The following PPFIA2 variants were observed in gnomAD, a reference collection of about 807,000 sequenced individuals.
PPFIA2 encodes the protein PPFI scaffold protein A2.
A neutral mutation model predicts 175.5 loss-of-function variants in PPFIA2; 46 were observed. The observed-to-expected ratio is 0.26, with a 90% CI of 0.21 to 0.34. The LOEUF is 0.34. Ranked by LOEUF, PPFIA2 falls within the 10% of genes least tolerant of loss-of-function variation. PPFIA2 has a pLI of 1.00. For missense variants in PPFIA2, 1,179 were observed against 1,506.1 expected (o/e 0.78, Z 3.60); for synonymous variants, 568 against 511.4 (o/e 1.11, Z -1.49).
intron 10 of PPFIA2, 78 bp downstream of exon 10, chr12:81,375,718 C>T (rs1200032000): frequency 2.2e-6 from 3 of 1,391,608 alleles, no homozygotes; most frequent in East Asian, 2.4e-5. Context: ...TCAAGAAGTA[C>T]CCTATTTTAT....
At chr12:81,357,247 C>T (rs1308239721) in intron 16 of PPFIA2, among the ~76,000 whole-genome samples, 1 of 152,026 alleles carries the variant, frequency 6.6e-6, no homozygotes, top group African/African-American at 2.4e-5. Flanking sequence ...TTCATTTGCT[C>T]ATTTATTTAT....
At position 81,682,647 on chromosome 12, in the gene PPFIA2, A is replaced by G. The variant is rs543632322; in HGVS notation, c.250-5803T>C. The stretch of plus-strand genomic sequence containing the variant: ...TAAAATATTTAATGAAGTATTATGT[A>G]TATGTTAAAACTTGACAAAATTTAT... On this transcript the variant is annotated intron_variant, in intron 3 of 32. Coordinates refer to ENST00000549396, the MANE Select transcript of PPFIA2 (RefSeq NM_003625.5). Among the ~76,000 whole-genome samples, 54 of 152,194 alleles carry G rather than the reference A, an allele frequency of 3.5e-4. 1 individual carries two copies. In the South Asian group the frequency reaches 5.4e-3, roughly 15 times the overall value.
chr12:81,341,184 G>A lies in PPFIA2; in HGVS notation c.2287C>T (p.Arg763Ter). 1 of 1,611,692 alleles carries A rather than the reference G, an allele frequency of 6.2e-7. No homozygotes were observed. Among genetic ancestry groups the A allele is most frequent in the Non-Finnish European group, 8.5e-7 (1 of 1,178,466 alleles). ...CATTTAATTGTTGCTTTGTCCTCTC[G>A]ACCATCTTCTTCCACAACTGCAATC... ...RKIAVVEEDG[R>*]EDKATIKCET... is the part of the protein sequence containing the mutation. Residue 763 changes from arginine (R) to a stop codon, truncating the protein, a stop_gained, in exon 20 of 33, where the codon CGA (arginine) becomes TGA (stop). Coordinates refer to ENST00000549396, the MANE Select transcript of PPFIA2 (RefSeq NM_003625.5). LOFTEE classifies it high-confidence loss of function.
At chr12:81,573,025 G>A (rs1274640257) in intron 4 of PPFIA2, among the ~76,000 whole-genome samples, 1 of 151,956 alleles carries the variant, frequency 6.6e-6, no homozygotes, top group African/African-American at 2.4e-5. Flanking sequence ...GAGAGAGAGA[G>A]AGAGAGACTG....
At chr12:81,298,838 G>A (rs901840818) in intron 23 of PPFIA2, among the ~76,000 whole-genome samples, 4 of 152,158 alleles carry the variant, frequency 2.6e-5, no homozygotes, top group Non-Finnish European at 5.9e-5. Context: ...TCTAAACCTA[G>A]CTGGTCCATA....
intron 3 of PPFIA2, among the ~76,000 whole-genome samples, chr12:81,709,929 T>C (rs996442187): frequency 1.3e-5 from 2 of 152,054 alleles, no homozygotes; most frequent in Non-Finnish European, 2.9e-5. Context: ...TCCCAAAATA[T>C]TTTACCAGTT....
chr12:81,698,008 A>G (rs2076084385), intron 3 of PPFIA2, among the ~76,000 whole-genome samples: 1 of 152,170 alleles, frequency 6.6e-6, no homozygotes, highest in Non-Finnish European at 1.5e-5. Context: ...CAATATTTTT[A>G]AAGAAGCCAC....
chr12:81,698,399 C>T (rs1596497622), intron 3 of PPFIA2, among the ~76,000 whole-genome samples: 2 of 152,148 alleles, frequency 1.3e-5, no homozygotes, highest in African/African-American at 4.8e-5. Context: ...GCCCTTCTAC[C>T]TTCCACCATG....
At chr12:81,350,044 T>G in intron 17 of PPFIA2, among the ~76,000 whole-genome samples, 1 of 152,172 alleles carries the variant, frequency 6.6e-6, no homozygotes, top group East Asian at 1.9e-4. Context: ...AATAAACAAC[T>G]ATATTAACCT....
At chr12:81,406,874 C>T (rs1374433731) in intron 7 of PPFIA2, among the ~76,000 whole-genome samples, 1 of 152,092 alleles carries the variant, frequency 6.6e-6, no homozygotes, top group African/African-American at 2.4e-5. Context: ...CAACATGTCA[C>T]AAGACGAATA....
intron 4 of PPFIA2, among the ~76,000 whole-genome samples, chr12:81,513,474 A>G (rs1258757368): frequency 2.0e-5 from 3 of 152,044 alleles, no homozygotes; most frequent in Non-Finnish European, 4.4e-5. Flanking sequence ...AGCAAAATTC[A>G]CAATTGCAAA....
At chr12:81,636,273 T>TC (rs1442357287) in intron 4 of PPFIA2, among the ~76,000 whole-genome samples, 1 of 149,496 alleles carries the variant, frequency 6.7e-6, no homozygotes, top group East Asian at 2.0e-4. Flanking sequence ...ATTTTTTTTT[T>TC]TTTTTTTTTT....
chr12:81,706,067 A>T (rs1156892755), intron 3 of PPFIA2, among the ~76,000 whole-genome samples: 1 of 152,176 alleles, frequency 6.6e-6, no homozygotes, highest in Non-Finnish European at 1.5e-5. Context: ...TTGAAACTGC[A>T]TGTGTATCTC....
chr12:81,462,548 ATG>A (rs1216600179), intron 4 of PPFIA2, among the ~76,000 whole-genome samples: 4 of 130,454 alleles, frequency 3.1e-5, no homozygotes, highest in East Asian at 4.4e-4. Context: ...ATGTATGTAT[ATG>A]TGTGTGTGTA....
intron 7 of PPFIA2, among the ~76,000 whole-genome samples, chr12:81,411,554 C>A (rs992127947): frequency 6.6e-6 from 1 of 152,056 alleles, no homozygotes; most frequent in African/African-American, 2.4e-5. Flanking sequence ...GGCGGCTGGG[C>A]CTCCAGTCTG....
intron 27 of PPFIA2, among the ~76,000 whole-genome samples, chr12:81,278,010 G>A (rs554556754): frequency 1.9e-4 from 29 of 152,268 alleles, no homozygotes; most frequent in Middle Eastern, 3.4e-3. Context: ...AGCAGAGACA[G>A]GTTGACTCAG....
chr12:81,617,224 C>T (rs1487497902), intron 4 of PPFIA2, among the ~76,000 whole-genome samples: 1 of 152,156 alleles, frequency 6.6e-6, no homozygotes, highest in Non-Finnish European at 1.5e-5. Context: ...TATTTTTGCC[C>T]AGTAGATTGT....
chr12:81,287,771 AG>A (rs2043838471), intron 24 of PPFIA2, among the ~76,000 whole-genome samples: 1 of 151,904 alleles, frequency 6.6e-6, no homozygotes, highest in African/African-American at 2.4e-5. Context: ...TTCAGAGCAA[AG>A]CATCCCTACA....
intron 7 of PPFIA2, among the ~76,000 whole-genome samples, chr12:81,407,086 C>T (rs1032495328): frequency 5.3e-5 from 8 of 152,182 alleles, no homozygotes; most frequent in African/African-American, 1.7e-4. Flanking sequence ...AAATAATTGG[C>T]TCCCTCACGC....
Sources: allele counts gnomAD v4.1 joint callset (sites outside exome capture counted in the v4.1 genomes callset), GRCh38; gene constraint gnomAD v4.1.1; transcripts MANE v1.5; gene names NCBI Gene and HGNC (gene_info 2026-07-23, HGNC 2026-07-21).